Variants in NR2C1 observed in about 807,000 individuals in gnomAD.
The protein encoded by NR2C1 is nuclear receptor subfamily 2 group C member 1.
Under a neutral mutation model 74.8 loss-of-function variants are expected in NR2C1, and 33 were observed. That is an observed-to-expected ratio of 0.44 (90% confidence interval 0.33 to 0.59). NR2C1 has a LOEUF of 0.59. NR2C1 is among the 20% of genes least tolerant of loss of function. The pLI, the probability that NR2C1 is intolerant of heterozygous loss-of-function variation, is 0.02. For synonymous variants in NR2C1, 225 were observed against 240.6 expected, an observed-to-expected ratio of 0.94 and a Z score of 0.60; for missense variants, 568 against 715.6, an observed-to-expected ratio of 0.79 and a Z score of 2.35.
intron 7 of NR2C1, among the ~76,000 whole-genome samples, chr12:95,056,147 C>A (rs1873825419): frequency 6.6e-6 from 1 of 151,224 alleles, no homozygotes; most frequent in African/African-American, 2.4e-5. Context: ...GTGCCTGCAG[C>A]CCTAGCTTCT....
chr12:95,059,175 G>A (rs957467712), intron 4 of NR2C1, among the ~76,000 whole-genome samples: 1 of 151,478 alleles, frequency 6.6e-6, no homozygotes, highest in Non-Finnish European at 1.5e-5. Context: ...GGTGGCACAC[G>A]CCTGTAGTCC....
intron 10 of NR2C1, among the ~76,000 whole-genome samples, chr12:95,037,613 T>C (rs1247726013): frequency 1.3e-5 from 2 of 152,150 alleles, no homozygotes; most frequent in African/African-American, 2.4e-5. Flanking sequence ...AATGCAATCT[T>C]GGCCGGGCAC....
chr12:95,022,442 T>C, intron 13 of NR2C1, 39 bp from the exon 14 acceptor site: 1 of 1,505,520 alleles, frequency 6.6e-7, no homozygotes, highest in South Asian at 1.2e-5. Context: ...AACAAGGTTG[T>C]AAACCAGAAA....
chr12:95,069,748 T>C (rs995603500), intron 1 of NR2C1, among the ~76,000 whole-genome samples: 8 of 151,856 alleles, frequency 5.3e-5, no homozygotes, highest in Non-Finnish European at 1.5e-5. Flanking sequence ...AAAAAAATGC[T>C]TTTAAACATT....
intron 13 of NR2C1, among the ~76,000 whole-genome samples, chr12:95,022,707 T>C (rs552697758): frequency 6.6e-6 from 1 of 151,828 alleles, no homozygotes; most frequent in Admixed American, 6.6e-5. Context: ...ACAATTTTTT[T>C]TTTTTTTTTG....
rs1868825947 is a variant in NR2C1 at position 95,022,015 on chromosome 12, T to A, written c.*214A>T. ...AGAATAAATTTGTAGTGTTTCATATTCATTTAAAGGAATCAGGAAGAAAAA... is the reference window on the plus strand; with the variant it reads ...AGAATAAATTTGTAGTGTTTCATATACATTTAAAGGAATCAGGAAGAAAAA... On this transcript the variant is annotated 3_prime_UTR_variant, in exon 14 of 14. Transcript: ENST00000333003. 7.5e-6 allele frequency: 3 copies of A among 401,434 alleles called. No homozygotes were observed. The Admixed American group carries it at 1.3e-4, about 17-fold the overall frequency. 24.9% of individuals were successfully genotyped at this position (401,434 alleles called of 1,614,324 possible). A position where few individuals can be genotyped will look rare whatever the true frequency, so the allele number is the denominator to read the frequency against.
chr12:95,072,455 CAAAAA>C (rs570185714), intron 1 of NR2C1, among the ~76,000 whole-genome samples: 17 of 60,276 alleles, frequency 2.8e-4, no homozygotes, highest in East Asian at 2.7e-3. Flanking sequence ...CTCTCCCTCT[CAAAAA>C]AAAAAAAAAA....
At position 95,057,608 on chromosome 12, in the gene NR2C1, T is replaced by G; in HGVS notation, c.728A>C (p.Asn243Thr). Residue 243 changes from asparagine (N) to threonine (T), a missense_variant, in exon 7 of 14, where the codon AAT (asparagine) becomes ACT (threonine). Asn to Thr is a moderately conservative substitution (Grantham distance 65). Around this residue, in one of 6 missense-constraint regions of NR2C1, gnomAD observed 239 missense variants for 232.3 expected, o/e 1.03. Transcript: ENST00000333003. ...AGTTTTTACTCCAGATGGATGAATA[T>G]TCATGAACATTCCTGAATCTAACAG... ...TGLLDSGMFM[N>T]IHPSGVKTES... The G allele has an allele frequency of 1.2e-6, 2 of 1,614,122 alleles. No homozygotes were observed. Among genetic ancestry groups the G allele is most frequent in the Non-Finnish European group, 1.7e-6 (2 of 1,180,002 alleles).
At chr12:95,045,603 G>A (rs1872212648) in intron 9 of NR2C1, among the ~76,000 whole-genome samples, 1 of 152,138 alleles carries the variant, frequency 6.6e-6, no homozygotes, top group Admixed American at 6.6e-5. Context: ...GAGAGTAACT[G>A]CCTCTAAAGT....
intron 12 of NR2C1, chr12:95,026,871 G>A (rs1592721170): frequency 6.6e-6 from 1 of 152,140 alleles, no homozygotes; most frequent in East Asian, 1.9e-4. Flanking sequence ...ACTGTAAACT[G>A]GCAGGAAAAC....
chr12:95,058,384 A>G lies in NR2C1; in HGVS notation c.470T>C (p.Ile157Thr). The change falls in exon 5 of 14, where the codon ATT becomes ACT. Residue 157 changes from isoleucine (I) to threonine (T), a missense_variant. Transcript: ENST00000333003. Reference sequence around the variant, plus strand: ...ACAGCGGTTTCGGTGGTGCTTATTAATAATACAATCCTTTGATCCTCGACA... The same window carrying G: ...ACAGCGGTTTCGGTGGTGCTTATTAGTAATACAATCCTTTGATCCTCGACA... ...YSCRGSKDCI[I>T]NKHHRNRCQY... 6.2e-7 allele frequency: 1 copy of G among 1,613,774 alleles called. No homozygotes were observed. Among genetic ancestry groups the G allele is most frequent in the Non-Finnish European group, 8.5e-7 (1 of 1,179,944 alleles).
intron 9 of NR2C1, among the ~76,000 whole-genome samples, chr12:95,041,715 G>T (rs1871550257): frequency 6.6e-6 from 1 of 152,134 alleles, no homozygotes; most frequent in Non-Finnish European, 1.5e-5. Context: ...ACTACCAAGG[G>T]TGGGGTAGTC....
intron 3 of NR2C1, among the ~76,000 whole-genome samples, 156 bp from the exon 4 acceptor site, chr12:95,060,140 G>A (rs1046550726): frequency 6.6e-6 from 1 of 152,024 alleles, no homozygotes; most frequent in Non-Finnish European, 1.5e-5. Flanking sequence ...TCTATGAAGA[G>A]CTCAGAACCT....
At chr12:95,066,902 T>C (rs1228601920) in intron 2 of NR2C1, 1 of 159,306 alleles carries the variant, frequency 6.3e-6, no homozygotes, top group African/African-American at 2.4e-5. Context: ...TTTGAGAACT[T>C]CCAAATTATG....
chr12:95,048,062 A>G (rs1333172692), intron 9 of NR2C1, among the ~76,000 whole-genome samples: 2 of 152,192 alleles, frequency 1.3e-5, no homozygotes, highest in Non-Finnish European at 2.9e-5. Flanking sequence ...AATATATTAA[A>G]TAATTTGTAT....
In NR2C1 at chr12:95,030,732, T is replaced by C. The variant is rs76041623; in HGVS notation, c.1393+617A>G. The C allele has an allele frequency of 3.8e-3, 6,163 of 1,605,574 alleles. 193 individuals are homozygous for C. The African/African-American group carries it at 0.072, about 19-fold the overall frequency. ...AAGGTAGTCCCCAATTTATAAATTA[T>C]TCCTGAGCTCAAAAGGCAATTTTCC... On this transcript the variant is annotated intron_variant, in intron 11 of 13. Coordinates refer to ENST00000333003, the MANE Select transcript of NR2C1 (RefSeq NM_003297.4).
At chr12:95,040,389 T>C (rs555692554) in intron 10 of NR2C1, 87 bp downstream of exon 10, 1 of 1,329,150 alleles carries the variant, frequency 7.5e-7, no homozygotes, top group Non-Finnish European at 1.0e-6. Flanking sequence ...TTTCCTTTAA[T>C]GCAAATCTTC....
chr12:95,036,012 C>T (rs1047001991), intron 10 of NR2C1, among the ~76,000 whole-genome samples: 2 of 152,132 alleles, frequency 1.3e-5, no homozygotes, highest in Non-Finnish European at 2.9e-5. Context: ...GAATTTGAAC[C>T]TTTATGCTCC....
intron 10 of NR2C1, among the ~76,000 whole-genome samples, chr12:95,033,062 G>A (rs755677687): frequency 5.3e-5 from 8 of 151,576 alleles, no homozygotes; most frequent in Admixed American, 4.6e-4. Flanking sequence ...TTGAGGCCAG[G>A]AGTTTGAAGG....
Sources: gnomAD v4.1 joint callset for allele counts (sites outside exome capture counted in the v4.1 genomes callset) on GRCh38, gnomAD v4.1.1 for gene constraint, gnomAD v4.1.1 regional missense constraint, MANE v1.5 for transcripts, NCBI Gene and HGNC (gene_info 2026-07-23, HGNC 2026-07-21) for gene names.